The following TENM4 variants were observed in gnomAD, a reference collection of about 807,000 sequenced individuals.
The protein encoded by TENM4 is teneurin-4.
Under a neutral mutation model 243.3 loss-of-function variants are expected in TENM4, and 82 were observed. The observed-to-expected ratio is 0.34, with a 90% CI of 0.28 to 0.40. TENM4 has a LOEUF of 0.40. TENM4 is among the 10% of genes least tolerant of loss of function. The probability of loss-of-function intolerance (pLI) is 1.00; values close to 1 mark genes in which losing one functional copy is unlikely to be tolerated. For synonymous variants in TENM4, 1,412 were observed against 1,456.3 expected (o/e 0.97, Z 0.69); for missense variants, 3,138 against 3,673.3 (o/e 0.85, Z 3.77).
At chr11:78,698,864 T>C (rs1251592095) in intron 28 of TENM4, among the ~76,000 whole-genome samples, 1 of 152,232 alleles carries the variant, frequency 6.6e-6, no homozygotes, top group African/African-American at 2.4e-5. Flanking sequence ...CAGCCTGAGC[T>C]GGACCATTTT....
At chr11:79,053,838 T>G (rs1414303695) in intron 6 of TENM4, among the ~76,000 whole-genome samples, 1 of 152,174 alleles carries the variant, frequency 6.6e-6, no homozygotes, top group Admixed American at 6.5e-5. Context: ...CTTCCTATGC[T>G]CCCTTCCAGA....
At chr11:78,707,368 G>T (rs770674029) in intron 27 of TENM4, among the ~76,000 whole-genome samples, 7 of 152,220 alleles carry the variant, frequency 4.6e-5, no homozygotes, top group African/African-American at 1.7e-4. Flanking sequence ...CTAAGGACAT[G>T]CTGGATAGCC....
intron 6 of TENM4, among the ~76,000 whole-genome samples, chr11:78,935,165 G>C (rs2852259): frequency 0.78 from 116,684 of 149,870 alleles, 45,486 homozygotes; most frequent in Admixed American, 0.81. Flanking sequence ...GCGCCCGCCA[G>C]CGCGCCCAGC....
chr11:79,354,076 A>G (rs1214742387), intron 1 of TENM4, among the ~76,000 whole-genome samples: 10 of 152,208 alleles, frequency 6.6e-5, no homozygotes, highest in Non-Finnish European at 1.5e-4. Context: ...TTTTGTTGTG[A>G]CCTTGGTTTT....
At chr11:78,966,910 T>C (rs1236072754) in intron 6 of TENM4, among the ~76,000 whole-genome samples, 2 of 152,182 alleles carry the variant, frequency 1.3e-5, no homozygotes, top group African/African-American at 4.8e-5. Context: ...TGCAGAGCTC[T>C]AGGGCACTTT....
intron 4 of TENM4, among the ~76,000 whole-genome samples, chr11:79,138,714 CAT>C (rs1862175941): frequency 9.4e-6 from 1 of 106,514 alleles, no homozygotes; most frequent in African/African-American, 3.9e-5. Flanking sequence ...ATACATAAAA[CAT>C]ACATTATATT....
At chr11:78,821,171 G>T (rs373914615) in intron 12 of TENM4, among the ~76,000 whole-genome samples, 1 of 152,344 alleles carries the variant, frequency 6.6e-6, no homozygotes, top group East Asian at 1.9e-4. Context: ...CCAGCTCTAA[G>T]GAAAGGTCTA....
At chr11:78,808,118 TG>T (rs1857429095) in intron 14 of TENM4, among the ~76,000 whole-genome samples, 1 of 152,252 alleles carries the variant, frequency 6.6e-6, no homozygotes, top group African/African-American at 2.4e-5. Flanking sequence ...CTGGTATATT[TG>T]ACTTTTACAT....
chr11:78,801,064 T>C (rs966269744), intron 15 of TENM4, among the ~76,000 whole-genome samples: 1 of 152,078 alleles, frequency 6.6e-6, no homozygotes, highest in African/African-American at 2.4e-5. Flanking sequence ...TGTTACTCTA[T>C]CCTGTGGCTT....
At chr11:79,166,174 T>C (rs1391080422) in intron 3 of TENM4, among the ~76,000 whole-genome samples, 1 of 152,200 alleles carries the variant, frequency 6.6e-6, no homozygotes, top group East Asian at 1.9e-4. Context: ...TGACACTCCA[T>C]GGGGGTCTTT....
At chr11:78,849,523 A>G (rs1858481980) in intron 12 of TENM4, among the ~76,000 whole-genome samples, 1 of 152,238 alleles carries the variant, frequency 6.6e-6, no homozygotes, top group South Asian at 2.1e-4. Flanking sequence ...TGAGGATTAA[A>G]TAACATAAAA....
At chr11:79,004,862 A>G (rs886492965) in intron 6 of TENM4, among the ~76,000 whole-genome samples, 1 of 151,800 alleles carries the variant, frequency 6.6e-6, no homozygotes, top group African/African-American at 2.4e-5. Context: ...TAGGCTAATA[A>G]AGAAAAAAAG....
chr11:78,661,657 T>C (rs977835460), intron 32 of TENM4, 66 bp from the exon 33 acceptor site: 2 of 1,573,908 alleles, frequency 1.3e-6, no homozygotes, highest in Non-Finnish European at 1.7e-6. Context: ...CCCATCCCCA[T>C]CTCACAGCCT....
chr11:79,256,219 A>G (rs190978866), intron 2 of TENM4, among the ~76,000 whole-genome samples: 14 of 152,066 alleles, frequency 9.2e-5, no homozygotes, highest in Non-Finnish European at 1.6e-4. Context: ...GCCCTTTCCT[A>G]TTTAGGCCTA....
At chr11:79,359,365 C>T (rs1332735910) in intron 1 of TENM4, among the ~76,000 whole-genome samples, 3 of 152,102 alleles carry the variant, frequency 2.0e-5, no homozygotes, top group East Asian at 1.9e-4. Flanking sequence ...TCTTACACAT[C>T]ATCCAGATTT....
chr11:79,014,203 C>T (rs1384995815), intron 6 of TENM4, among the ~76,000 whole-genome samples: 2 of 152,152 alleles, frequency 1.3e-5, no homozygotes, highest in African/African-American at 2.4e-5. Flanking sequence ...AAAAGCTGCC[C>T]TTTTCCTCAG....
chr11:78,710,552 C>T (rs891180806), intron 26 of TENM4, among the ~76,000 whole-genome samples: 1 of 152,218 alleles, frequency 6.6e-6, no homozygotes, highest in African/African-American at 2.4e-5. Context: ...CCAAGACAGG[C>T]GTTTTCTTGT....
chr11:79,136,290 A>C (rs1289663565), intron 4 of TENM4, among the ~76,000 whole-genome samples: 1 of 152,162 alleles, frequency 6.6e-6, no homozygotes, highest in African/African-American at 2.4e-5. Flanking sequence ...GTGCTCACCA[A>C]TGGGTGACCT....
intron 19 of TENM4, among the ~76,000 whole-genome samples, chr11:78,742,506 C>T (rs1286566027): frequency 6.6e-6 from 1 of 152,160 alleles, no homozygotes; most frequent in Admixed American, 6.5e-5. Flanking sequence ...CTCACTAAAG[C>T]CAACGTGAAA....
Sources: gnomAD v4.1 joint callset for allele counts (sites outside exome capture counted in the v4.1 genomes callset) on GRCh38, gnomAD v4.1.1 for gene constraint, MANE v1.5 for transcripts, NCBI Gene and HGNC (gene_info 2026-07-23, HGNC 2026-07-21) for gene names.